Variants in PER3 observed in about 807,000 individuals in gnomAD.
The protein encoded by PER3 is period circadian regulator 3.
A neutral mutation model predicts 127.2 loss-of-function variants in PER3; 107 were observed. The observed-to-expected ratio is 0.84, with a 90% CI of 0.72 to 0.99. The LOEUF (loss-of-function observed/expected upper bound fraction) is 0.99. Ranked by LOEUF, PER3 falls within the 50% of genes least tolerant of loss-of-function variation. The pLI is 0.00. For missense variants in PER3, 1,560 were observed against 1,525.8 expected, an observed-to-expected ratio of 1.02 and a Z score of -0.37; for synonymous variants, 618 against 585.8, an observed-to-expected ratio of 1.05 and a Z score of -0.79.
intron 10 of PER3, among the ~76,000 whole-genome samples, chr1:7,804,556 AC>A (rs2097184870): frequency 6.6e-6 from 1 of 151,606 alleles, no homozygotes; most frequent in African/African-American, 2.4e-5. Flanking sequence ...GCCTGCCAAC[AC>A]ATTCAGCCCT....
intron 13 of PER3, among the ~76,000 whole-genome samples, chr1:7,816,735 T>A (rs943539940): frequency 6.6e-6 from 1 of 152,228 alleles, no homozygotes; most frequent in Non-Finnish European, 1.5e-5. Flanking sequence ...TAATGCCAAA[T>A]TGTACAGCCA....
At chr1:7,810,128 A>G in intron 12 of PER3, 107 bp downstream of exon 12, 8 of 1,072,588 alleles carry the variant, frequency 7.5e-6, no homozygotes, top group Non-Finnish European at 1.1e-5. Context: ...GAAGACCTCA[A>G]CTGATAACAG....
intron 11 of PER3, 126 bp from the exon 12 acceptor site, chr1:7,809,767 C>G (rs2150842579): frequency 1.1e-6 from 1 of 902,030 alleles, no homozygotes; most frequent in African/African-American, 1.7e-5. Context: ...AAGTACCAAC[C>G]TGCACACACC....
rs1030601133 is a variant in PER3 at position 7,843,270 on chromosome 1, T to G, written c.*515T>G. The G allele has an allele frequency of 2.6e-5, 4 of 153,156 alleles. No homozygotes were observed. Among genetic ancestry groups the G allele is most frequent in the African/African-American group, 9.6e-5 (4 of 41,574 alleles). 9.5% of individuals were successfully genotyped at this position (153,156 alleles called of 1,614,324 possible). On this transcript the variant is annotated 3_prime_UTR_variant, in exon 22 of 22. Transcript: ENST00000377532. ...ATAATTAAGATGAAACATTCCGGTT[T>G]TCTCACAACACATTAGCACATACTG...
At chr1:7,803,188 T>C in intron 9 of PER3, 35 bp downstream of exon 9, 1 of 1,208,412 alleles carries the variant, frequency 8.3e-7, no homozygotes. Context: ...GGAAATATTT[T>C]TCTCTCATTG....
intron 13 of PER3, among the ~76,000 whole-genome samples, chr1:7,811,892 G>A (rs2150885583): frequency 6.6e-6 from 1 of 152,086 alleles, no homozygotes; most frequent in East Asian, 1.9e-4. Context: ...GCATTCCATT[G>A]GTTTCTTCTG....
intron 16 of PER3, among the ~76,000 whole-genome samples, chr1:7,825,357 T>C (rs1227046290): frequency 1.3e-5 from 2 of 152,144 alleles, no homozygotes; most frequent in Admixed American, 6.5e-5. Context: ...CAATAATAGA[T>C]AAAAAAGAGG....
intron 18 of PER3, among the ~76,000 whole-genome samples, chr1:7,828,923 T>A (rs2097315449): frequency 6.6e-6 from 1 of 152,178 alleles, no homozygotes; most frequent in African/African-American, 2.4e-5. Flanking sequence ...ATGTTCGATA[T>A]GTGTTTGCTG....
chr1:7,798,721 A>T lies in PER3; in HGVS notation c.793+48A>T, dbSNP rs746955601. 4 of 1,506,088 alleles carry T rather than the reference A, an allele frequency of 2.7e-6. No homozygotes were observed. The South Asian group carries it at 4.5e-5, about 17-fold the overall frequency. The allele number at this position is 1,506,088 out of a possible 1,614,324, so 93.3% of individuals were successfully genotyped here. On this transcript the variant is annotated intron_variant, in intron 7 of 21. Transcript: ENST00000377532. ...GAAATGTCAGCAATCAGATAGGAAC[A>T]TGGGAAAGTCTGTTTACGTCAGTCA...
Position 7,835,947 on chromosome 1 carries a change from TA to T in PER3, c.3398+4del. On this transcript the variant is annotated splice_donor_region_variant and intron_variant, in intron 20 of 21. Coordinates refer to ENST00000377532, the MANE Select transcript of PER3 (RefSeq NM_001377275.1). Reference sequence around the variant, plus strand: ...CATGACATACCAGGTACCTGAGAGGTAAGAAAGCACTTTAGAAAACCCACTT... The same window carrying T: ...CATGACATACCAGGTACCTGAGAGGTAGAAAGCACTTTAGAAAACCCACTT... 6.4e-7 allele frequency: 1 copy of T among 1,561,974 alleles called. No individual in the cohort carries two copies. Among genetic ancestry groups the T allele is most frequent in the Non-Finnish European group, 8.7e-7 (1 of 1,147,562 alleles).
intron 3 of PER3, 34 bp from the exon 4 acceptor site, chr1:7,786,687 C>T: frequency 9.2e-7 from 1 of 1,083,304 alleles, no homozygotes; most frequent in Non-Finnish European, 1.4e-6. Context: ...ACTGTTGTCA[C>T]TGGACTACCT....
intron 21 of PER3, among the ~76,000 whole-genome samples, chr1:7,838,684 G>A (rs771329252): frequency 1.3e-5 from 2 of 152,182 alleles, no homozygotes; most frequent in East Asian, 1.9e-4. Flanking sequence ...ACAGGCAAGA[G>A]CCATATGAAT....
At chr1:7,789,053 TCA>T (rs1297587881) in intron 5 of PER3, among the ~76,000 whole-genome samples, 1 of 152,084 alleles carries the variant, frequency 6.6e-6, no homozygotes, top group Non-Finnish European at 1.5e-5. Flanking sequence ...TTTGTGACAT[TCA>T]GTCCTGTGTG....
At position 7,803,832 on chromosome 1, in the gene PER3, C is replaced by T. The variant is rs199945897; in HGVS notation, c.1120C>T (p.Arg374Trp). 3.3e-5 allele frequency: 53 copies of T among 1,613,224 alleles called. No individual in the cohort carries two copies. In the Admixed American group the frequency reaches 5.2e-4, roughly 16 times the overall value. ...CCGGAAGATTTCTTTCATCATTGGT[C>T]GGCATAAAGTTCGAACGTAAGCCAG... ...WSRKISFIIGRHKVRTSPLNE... is the reference protein window; with the variant it reads ...WSRKISFIIGWHKVRTSPLNE... The change falls in exon 10 of 22, where the codon CGG becomes TGG. Residue 374 changes from arginine to tryptophan, a missense_variant. By Grantham distance (101) the Arg-to-Trp change is moderately radical. Transcript: ENST00000377532.
At chr1:7,797,636 T>TA (rs34920317) in intron 6 of PER3, among the ~76,000 whole-genome samples, 8,273 of 126,612 alleles carry the variant, frequency 0.065, 551 homozygotes, top group East Asian at 0.26. Context: ...ACTCCGTCTT[T>TA]AAAAAAAAAA....
chr1:7,794,161 G>A (rs1577663373), intron 6 of PER3, among the ~76,000 whole-genome samples, 153 bp downstream of exon 6: 1 of 152,122 alleles, frequency 6.6e-6, no homozygotes, highest in Non-Finnish European at 1.5e-5. Flanking sequence ...TATTTTGATT[G>A]AGAAGAGACA....
intron 16 of PER3, among the ~76,000 whole-genome samples, chr1:7,822,333 A>G (rs2097281015): frequency 6.6e-6 from 1 of 151,520 alleles, no homozygotes; most frequent in Admixed American, 6.6e-5. Context: ...TCAGCTCACT[A>G]CAGCCTCCAC....
At chr1:7,814,180 A>C (rs2097235460) in intron 13 of PER3, among the ~76,000 whole-genome samples, 1 of 152,242 alleles carries the variant, frequency 6.6e-6, no homozygotes, top group Admixed American at 6.5e-5. Context: ...ACTGTCCAAC[A>C]TAGGTGTAAT....
chr1:7,816,296 G>A (rs1558437594), intron 13 of PER3, among the ~76,000 whole-genome samples: 1 of 152,094 alleles, frequency 6.6e-6, no homozygotes, highest in East Asian at 1.9e-4. Context: ...TAGCCATACT[G>A]AACAAAAGAA....
Sources: allele counts gnomAD v4.1 joint callset (sites outside exome capture counted in the v4.1 genomes callset), GRCh38; gene constraint gnomAD v4.1.1; transcripts MANE v1.5; gene names NCBI Gene and HGNC (gene_info 2026-07-23, HGNC 2026-07-21).